The following DIP2B variants were observed in gnomAD, a reference collection of about 807,000 sequenced individuals.
The protein encoded by DIP2B is disco-interacting protein 2 homolog B.
Under a neutral mutation model 198.0 loss-of-function variants are expected in DIP2B, and 76 were observed. The ratio of observed to expected loss-of-function variants is 0.38; its 90% confidence interval spans 0.32 to 0.46. The LOEUF (loss-of-function observed/expected upper bound fraction) is 0.46. Among genes scored for constraint, DIP2B ranks in the 20% least tolerant of loss-of-function variants. DIP2B has a pLI of 0.99. For missense variants in DIP2B, 1,559 were observed against 1,978.4 expected, an observed-to-expected ratio of 0.79 and a Z score of 4.02; for synonymous variants, 701 against 739.1, an observed-to-expected ratio of 0.95 and a Z score of 0.84.
At chr12:50,674,735 G>A in intron 6 of DIP2B, 106 bp downstream of exon 6, 1 of 1,386,916 alleles carries the variant, frequency 7.2e-7, no homozygotes, top group Middle Eastern at 2.1e-4. Context: ...GAACTGCATT[G>A]TAGTTGGCCC....
chr12:50,602,601 G>A (rs139065665), intron 1 of DIP2B, among the ~76,000 whole-genome samples: 18 of 152,308 alleles, frequency 1.2e-4, no homozygotes, highest in African/African-American at 4.3e-4. Flanking sequence ...GGTGGCTCAC[G>A]CCTAATCCCA....
intron 3 of DIP2B, among the ~76,000 whole-genome samples, chr12:50,656,419 A>G: frequency 6.6e-6 from 1 of 152,230 alleles, no homozygotes; most frequent in East Asian, 1.9e-4. Context: ...TGTCCAAAGG[A>G]CATAAGAACC....
intron 1 of DIP2B, among the ~76,000 whole-genome samples, chr12:50,537,936 G>A (rs976176013): frequency 6.6e-6 from 1 of 152,168 alleles, no homozygotes; most frequent in Non-Finnish European, 1.5e-5. Flanking sequence ...GATTGAAAAC[G>A]GGAATGAGGA....
intron 1 of DIP2B, among the ~76,000 whole-genome samples, chr12:50,611,972 G>T (rs1959035948): frequency 6.6e-6 from 1 of 150,584 alleles, no homozygotes; most frequent in Non-Finnish European, 1.5e-5. Context: ...GCCAAGGCAG[G>T]AAGATTGCTT....
At chr12:50,684,736 G>A (rs1376584227) in intron 10 of DIP2B, among the ~76,000 whole-genome samples, 1 of 152,084 alleles carries the variant, frequency 6.6e-6, no homozygotes, top group Non-Finnish European at 1.5e-5. Flanking sequence ...AGTTTGCAGT[G>A]AGTCAAGATT....
intron 1 of DIP2B, among the ~76,000 whole-genome samples, chr12:50,534,857 C>T (rs1958249972): frequency 6.6e-6 from 1 of 152,140 alleles, no homozygotes; most frequent in Admixed American, 6.5e-5. Flanking sequence ...TCTAGTTCTT[C>T]CTAGCTCTTA....
chr12:50,695,192 A>G, intron 14 of DIP2B, 75 bp from the exon 15 acceptor site: 1 of 1,234,290 alleles, frequency 8.1e-7, no homozygotes, highest in Non-Finnish European at 1.2e-6. Flanking sequence ...AATTGCTAAC[A>G]AAATACCAGC....
intron 1 of DIP2B, among the ~76,000 whole-genome samples, chr12:50,510,664 A>ATTTTT (rs1175970945): frequency 7.4e-6 from 1 of 134,270 alleles, no homozygotes; most frequent in South Asian, 2.2e-4. Context: ...TTTTTTTTTG[A>ATTTTT]GACGGAGTTT....
At chr12:50,668,581 A>T (rs1376592628) in intron 4 of DIP2B, among the ~76,000 whole-genome samples, 1 of 152,228 alleles carries the variant, frequency 6.6e-6, no homozygotes, top group African/African-American at 2.4e-5. Flanking sequence ...AAACCTAATC[A>T]TGAAAATACT....
Position 50,671,489 on chromosome 12 carries a change from C to T in DIP2B, c.640+91C>T, listed in dbSNP as rs1022121062. 4.0e-6 allele frequency: 5 copies of T among 1,264,024 alleles called. No individual in the cohort carries two copies. The African/African-American group carries it at 7.5e-5, about 19-fold the overall frequency. The allele number at this position is 1,264,024 out of a possible 1,614,324, so 78.3% of individuals were successfully genotyped here. ...AGTTTATGGTTTGTGTTAGGTTTTT[C>T]AGTATGGCCTAAAAAAAAGAATTAG... On this transcript the variant is annotated intron_variant, in intron 5 of 37. Coordinates refer to ENST00000301180, the MANE Select transcript of DIP2B (RefSeq NM_173602.3).
At chr12:50,665,774 T>C (rs1007960698) in intron 4 of DIP2B, among the ~76,000 whole-genome samples, 2 of 138,084 alleles carry the variant, frequency 1.4e-5, no homozygotes, top group African/African-American at 5.5e-5. Context: ...AAACCTCAAC[T>C]GAAAAAAAAA....
chr12:50,632,179 A>G (rs1303008215), intron 2 of DIP2B, among the ~76,000 whole-genome samples: 1 of 151,974 alleles, frequency 6.6e-6, no homozygotes, highest in Non-Finnish European at 1.5e-5. Flanking sequence ...AACTTTATTA[A>G]ACTTTATTAA....
At chr12:50,742,419 A>AAAAAAAAAAAAAC (rs1565888390) in intron 37 of DIP2B, among the ~76,000 whole-genome samples, 9 of 77,334 alleles carry the variant, frequency 1.2e-4, no homozygotes, top group African/African-American at 3.4e-4. Context: ...AAAAAAAAAA[A>AAAAAAAAAAAAAC]AAACCACCTC....
At chr12:50,735,041 C>T (rs1940111615) in intron 33 of DIP2B, 32 bp from the exon 34 acceptor site, 2 of 1,613,536 alleles carry the variant, frequency 1.2e-6, no homozygotes, top group African/African-American at 1.3e-5. Context: ...CTCTTAAAAG[C>T]CCTATATATA....
intron 3 of DIP2B, among the ~76,000 whole-genome samples, chr12:50,653,002 G>C (rs536273376): frequency 6.6e-6 from 1 of 151,180 alleles, no homozygotes; most frequent in African/African-American, 2.4e-5. Flanking sequence ...GGAGTGCAGC[G>C]GTGTGATCAT....
chr12:50,629,833 C>T (rs1938008563), intron 2 of DIP2B, among the ~76,000 whole-genome samples: 1 of 152,096 alleles, frequency 6.6e-6, no homozygotes, highest in African/African-American at 2.4e-5. Flanking sequence ...ATTCATAAGC[C>T]CAGCAAGTTA....
At chr12:50,727,849 A>G in intron 29 of DIP2B, 37 bp downstream of exon 29, 1 of 1,563,450 alleles carries the variant, frequency 6.4e-7, no homozygotes, top group Non-Finnish European at 8.8e-7. Context: ...CATCTGCCAA[A>G]AAATAGAGAT....
intron 4 of DIP2B, among the ~76,000 whole-genome samples, chr12:50,670,132 AC>A (rs1938824894): frequency 3.9e-5 from 1 of 25,648 alleles, no homozygotes; most frequent in Non-Finnish European, 7.9e-5. Context: ...GAGTTTTTTT[AC>A]CCACCCCCCA....
chr12:50,575,541 C>T (rs1190830466), intron 1 of DIP2B, among the ~76,000 whole-genome samples: 4 of 152,166 alleles, frequency 2.6e-5, no homozygotes, highest in Non-Finnish European at 5.9e-5. Context: ...ACTACAGGCA[C>T]ATGCCACTAG....
Sources: allele counts gnomAD v4.1 joint callset (sites outside exome capture counted in the v4.1 genomes callset), GRCh38; gene constraint gnomAD v4.1.1; transcripts MANE v1.5; gene names NCBI Gene and HGNC (gene_info 2026-07-23, HGNC 2026-07-21).